Variants in PUS7 observed in about 807,000 individuals in gnomAD.
PUS7 encodes the protein pseudouridine synthase 7.
Under a neutral mutation model 79.8 loss-of-function variants are expected in PUS7, and 48 were observed. The ratio of observed to expected loss-of-function variants is 0.60; its 90% confidence interval spans 0.48 to 0.76. PUS7 has a LOEUF of 0.76. Ranked by LOEUF, PUS7 falls within the 30% of genes least tolerant of loss-of-function variation. The pLI is 0.00. For missense variants in PUS7, 729 were observed against 797.6 expected (o/e 0.91, Z 1.04); for synonymous variants, 286 against 272.2 (o/e 1.05, Z -0.50).
intron 1 of PUS7, among the ~76,000 whole-genome samples, chr7:105,521,456 G>A (rs1450685670): frequency 1.3e-5 from 2 of 152,194 alleles, no homozygotes; most frequent in Admixed American, 6.5e-5. Flanking sequence ...CAGCTTGAGG[G>A]CTGGAGAAAG....
rs56177512 is a variant in PUS7, at chr7:105,467,034, GTTTTTTTTTTTTTTT to G, written c.1525+1288_1525+1302del. 1.4e-4 allele frequency among the ~76,000 whole-genome samples: 10 copies of G among 70,698 alleles called. No homozygotes were observed. In the Admixed American group the frequency reaches 1.8e-3, roughly 13 times the overall value. The allele number at this position is 70,698 out of a possible 152,430, so 46.4% of individuals were successfully genotyped here. ...AGAACTCTGAATCCCAGTTTTTTCT[GTTTTTTTTTTTTTTT>G]TTTTTTTTTTTTTAACTAGCTGTGG... On this transcript the variant is annotated intron_variant, in intron 12 of 15. Transcript: ENST00000469408.
At chr7:105,459,505 T>C (rs1419276033) in intron 14 of PUS7, among the ~76,000 whole-genome samples, 2 of 151,796 alleles carry the variant, frequency 1.3e-5, no homozygotes, top group African/African-American at 4.8e-5. Flanking sequence ...TGGTGTGATC[T>C]TGGCTCACTG....
intron 14 of PUS7, 181 bp downstream of exon 14, chr7:105,462,440 C>A (rs1233796817): frequency 1.9e-5 from 12 of 637,066 alleles, no homozygotes; most frequent in East Asian, 7.1e-5. Flanking sequence ...CAAAAAAAAA[C>A]CAAAAAAAAA....
intron 4 of PUS7, among the ~76,000 whole-genome samples, chr7:105,503,476 C>T (rs1450409044): frequency 6.6e-6 from 1 of 152,068 alleles, no homozygotes; most frequent in Admixed American, 6.6e-5. Flanking sequence ...ATATTTTCAG[C>T]GTGTGAGTGC....
At chr7:105,500,302 C>A (rs963775535) in intron 5 of PUS7, among the ~76,000 whole-genome samples, 4 of 151,828 alleles carry the variant, frequency 2.6e-5, no homozygotes, top group African/African-American at 9.7e-5. Context: ...GTAACAACAA[C>A]AACAAAAAAA....
Position 105,508,326 on chromosome 7 carries a change from C to A in PUS7, c.187G>T (p.Asp63Tyr). 6.2e-7 allele frequency: 1 copy of A among 1,614,164 alleles called. No homozygotes were observed. The highest frequency in any genetic ancestry group is 1.1e-5 in the South Asian group (1 of 91,084). ...CCACCTTTCCCAGTACTGACAGTGT[C>A]AGGAGGCCGAGGCACGTCTTCACTG... ...SISEDVPRPPDTVSTGKGGKN... is the reference protein window; with the variant it reads ...SISEDVPRPPYTVSTGKGGKN... The change falls in exon 2 of 16, where the codon GAC becomes TAC. Residue 63 changes from aspartate to tyrosine, a missense_variant. By Grantham distance (160) the Asp-to-Tyr change is radical (BLOSUM62 -3). Transcript: ENST00000469408.
rs1244506434 is a variant in PUS7 at position 105,506,276 on chromosome 7, G to A, written c.399-3C>T. 2 of 1,600,112 alleles carry A rather than the reference G, an allele frequency of 1.2e-6. No homozygotes were observed. The highest frequency in any genetic ancestry group is 2.7e-5 in the African/African-American group (2 of 74,462). On this transcript the variant is annotated splice_polypyrimidine_tract_variant and splice_region_variant and intron_variant, in intron 2 of 15. Transcript: ENST00000469408. ...CATGAACAACGAAGTCGGAGTATCTGATGAAAGAAAACATGAACTTTCAGA... is the reference window on the plus strand; with the variant it reads ...CATGAACAACGAAGTCGGAGTATCTAATGAAAGAAAACATGAACTTTCAGA...
chr7:105,510,966 G>C (rs1825678310), intron 1 of PUS7, among the ~76,000 whole-genome samples: 1 of 152,050 alleles, frequency 6.6e-6, no homozygotes, highest in South Asian at 2.1e-4. Flanking sequence ...TCCAAGGCAT[G>C]GTTAACAAGA....
At chr7:105,505,851 T>C in intron 4 of PUS7, 104 bp downstream of exon 4, 1 of 939,410 alleles carries the variant, frequency 1.1e-6, no homozygotes, top group Non-Finnish European at 1.6e-6. Context: ...GAGCAAAAAG[T>C]CACCCTTTGT....
intron 1 of PUS7, among the ~76,000 whole-genome samples, chr7:105,515,397 C>T (rs1825855563): frequency 6.6e-6 from 1 of 152,122 alleles, no homozygotes; most frequent in South Asian, 2.1e-4. Context: ...GTGGGACATC[C>T]TCAAACTTTG....
chr7:105,504,370 A>C (rs561163247), intron 4 of PUS7, among the ~76,000 whole-genome samples: 5 of 151,934 alleles, frequency 3.3e-5, no homozygotes, highest in Non-Finnish European at 2.9e-5. Flanking sequence ...TGCGCCCAGC[A>C]ACTTAATGAT....
chr7:105,516,399 G>C (rs1825895523), intron 1 of PUS7, among the ~76,000 whole-genome samples: 1 of 152,010 alleles, frequency 6.6e-6, no homozygotes, highest in East Asian at 1.9e-4. Context: ...ACTCAAACTA[G>C]TGTCATTTTC....
intron 6 of PUS7, 65 bp from the exon 7 acceptor site, chr7:105,491,682 C>A: frequency 3.2e-6 from 3 of 944,780 alleles, no homozygotes; most frequent in South Asian, 1.5e-5. Context: ...AATCCTAATT[C>A]TCATAATTTA....
intron 6 of PUS7, 32 bp downstream of exon 6, chr7:105,495,110 G>T: frequency 1.5e-6 from 2 of 1,299,260 alleles, no homozygotes; most frequent in South Asian, 1.3e-5. Flanking sequence ...CTGTTGCTTT[G>T]ATTTTGTATA....
At chr7:105,484,188 G>A (rs1343699283) in intron 7 of PUS7, among the ~76,000 whole-genome samples, 1 of 152,104 alleles carries the variant, frequency 6.6e-6, no homozygotes, top group Non-Finnish European at 1.5e-5. Context: ...TTTTGAAATT[G>A]TGTAAAAATC....
chr7:105,479,051 A>G (rs1824215056), intron 9 of PUS7, among the ~76,000 whole-genome samples: 1 of 152,194 alleles, frequency 6.6e-6, no homozygotes, highest in South Asian at 2.1e-4. Flanking sequence ...TTACTATTTT[A>G]TCAATGTCCT....
rs146085815 is a variant in PUS7, at chr7:105,522,115, G to C, written c.-96C>G. On this transcript the variant is annotated 5_prime_UTR_variant, in exon 1 of 16. Coordinates refer to ENST00000469408, the MANE Select transcript of PUS7 (RefSeq NM_019042.5). Reference sequence around the variant, plus strand: ...GCGAGGTGGCCAGCGCTCTGGTTGGGACGCAAGAGAGCGGCGAAGGCCACT... The same window carrying C: ...GCGAGGTGGCCAGCGCTCTGGTTGGCACGCAAGAGAGCGGCGAAGGCCACT... 0.14 allele frequency: 20,931 copies of C among 152,320 alleles called. 1,857 individuals are homozygous for C. Among genetic ancestry groups the C allele is most frequent in the South Asian group, 0.26 (1,257 of 4,834 alleles). The allele number at this position is 152,320 out of a possible 1,614,324, so 9.4% of individuals were successfully genotyped here. A position where few individuals can be genotyped will look rare whatever the true frequency, so the allele number is the denominator to read the frequency against.
intron 5 of PUS7, among the ~76,000 whole-genome samples, chr7:105,496,226 T>G (rs6963340): frequency 0.91 from 73,936 of 81,458 alleles, 33,550 homozygotes; most frequent in Non-Finnish European, 0.93. Flanking sequence ...TATATATATA[T>G]AGAGAGAGAG....
At chr7:105,520,407 C>A (rs935453131) in intron 1 of PUS7, among the ~76,000 whole-genome samples, 9 of 134,278 alleles carry the variant, frequency 6.7e-5, no homozygotes, top group Non-Finnish European at 1.5e-4. Flanking sequence ...TGCAGTGAGC[C>A]GAGATCGCGC....
Sources: gnomAD v4.1 joint callset for allele counts (sites outside exome capture counted in the v4.1 genomes callset) on GRCh38, gnomAD v4.1.1 for gene constraint, MANE v1.5 for transcripts, NCBI Gene and HGNC (gene_info 2026-07-23, HGNC 2026-07-21) for gene names.